Variants in MICAL2 observed in about 807,000 individuals in gnomAD.
MICAL2 encodes the protein microtubule associated monooxygenase, calponin and LIM domain containing 2, also known as [F-actin]-monooxygenase MICAL2.
MICAL2 carries 77 observed loss-of-function variants against 127.3 expected under a neutral mutation model. The observed-to-expected ratio is 0.60, with a 90% CI of 0.50 to 0.73. The LOEUF (loss-of-function observed/expected upper bound fraction) is 0.73. MICAL2 is among the 30% of genes least tolerant of loss of function. The pLI is 0.00. For missense variants in MICAL2, 1,351 were observed against 1,434.4 expected (o/e 0.94, Z 0.94); for synonymous variants, 570 against 551.1 (o/e 1.03, Z -0.48).
chr11:12,344,797 G>A (rs887007121), intron 32 of MICAL2, among the ~76,000 whole-genome samples: 14 of 146,828 alleles, frequency 9.5e-5, no homozygotes, highest in African/African-American at 1.5e-4. Flanking sequence ...CACCGCGCCC[G>A]GCCTAGAAAT....
intron 1 of MICAL2, among the ~76,000 whole-genome samples, chr11:12,135,190 A>T (rs908050168): frequency 6.6e-6 from 1 of 152,222 alleles, no homozygotes; most frequent in African/African-American, 2.4e-5. Context: ...GGAGTCTGTT[A>T]TCAGGAGAGA....
chr11:12,209,823 C>G (rs561277151), intron 6 of MICAL2, among the ~76,000 whole-genome samples: 1 of 152,226 alleles, frequency 6.6e-6, no homozygotes. Flanking sequence ...TCAGTTTTCT[C>G]AGCTGTAAGA....
At chr11:12,242,798 C>A in intron 20 of MICAL2, 26 bp downstream of exon 20, 2 of 1,532,402 alleles carry the variant, frequency 1.3e-6, no homozygotes, top group Non-Finnish European at 1.8e-6. Context: ...TCAGAGCCCC[C>A]AGGAACCTGA....
At chr11:12,226,101 T>A (rs758659928) in intron 13 of MICAL2, 70 bp from the exon 14 acceptor site, 21 of 1,491,602 alleles carry the variant, frequency 1.4e-5, no homozygotes, top group Non-Finnish European at 1.9e-5. Context: ...CCTTACCACC[T>A]GAAGGTGCTC....
downstream of MICAL2, among the ~76,000 whole-genome samples, chr11:12,267,435 C>G (rs536751866): frequency 2.6e-5 from 4 of 152,258 alleles, no homozygotes; most frequent in African/African-American, 9.6e-5. Flanking sequence ...CTTGACCTCA[C>G]ACGAAATCCA....
downstream of MICAL2, chr11:12,293,571 C>G: frequency 6.2e-7 from 1 of 1,609,430 alleles, no homozygotes; most frequent in Non-Finnish European, 8.5e-7. Context: ...ATGACAGCTT[C>G]TGAGCCCCTC....
intron 6 of MICAL2, among the ~76,000 whole-genome samples, chr11:12,212,091 C>T (rs746241122): frequency 1.3e-5 from 2 of 152,160 alleles, no homozygotes; most frequent in African/African-American, 4.8e-5. Context: ...GTTGGCCACT[C>T]CTGGATTCCC....
intron 2 of MICAL2, among the ~76,000 whole-genome samples, chr11:12,149,069 C>G (rs1481900097): frequency 1.3e-5 from 2 of 152,180 alleles, no homozygotes; most frequent in Non-Finnish European, 2.9e-5. Flanking sequence ...CTGTGACACT[C>G]TGCTGCCTTT....
chr11:12,308,524 A>G (rs143014102), intron 29 of MICAL2, among the ~76,000 whole-genome samples: 176 of 152,258 alleles, frequency 1.2e-3, no homozygotes, highest in African/African-American at 3.6e-3. Context: ...TTTTGTTGCC[A>G]TTGTAAATAA....
At chr11:12,223,913 C>T (rs1415051573) in intron 12 of MICAL2, among the ~76,000 whole-genome samples, 1 of 152,148 alleles carries the variant, frequency 6.6e-6, no homozygotes, top group Non-Finnish European at 1.5e-5. Context: ...CAGTGCTCAA[C>T]ACAGGGAGAT....
At position 12,236,637 on chromosome 11, in the gene MICAL2, G is replaced by A. The variant is rs532376779; in HGVS notation, c.2064+392G>A. Among the ~76,000 whole-genome samples, 10 of 152,320 alleles carry A rather than the reference G, an allele frequency of 6.6e-5. No homozygotes were observed. In the South Asian group the frequency reaches 1.7e-3, roughly 25 times the overall value. The stretch of plus-strand genomic sequence containing the variant: ...CCCACTTTTCTCCCAATCATCGTTT[G>A]TATCCATTTGTGTTTCCTTTGCTTT... On this transcript the variant is annotated intron_variant, in intron 16 of 27. Coordinates refer to ENST00000683283, the MANE Select transcript of MICAL2 (RefSeq NM_001282663.2).
At chr11:12,219,923 C>A (rs1301466600) in intron 8 of MICAL2, among the ~76,000 whole-genome samples, 2 of 152,182 alleles carry the variant, frequency 1.3e-5, no homozygotes, top group East Asian at 3.8e-4. Context: ...TCTACGCTTC[C>A]TTCTTTCTGA....
chr11:12,298,111 T>C (rs980718476), intron 29 of MICAL2, among the ~76,000 whole-genome samples: 1 of 152,018 alleles, frequency 6.6e-6, no homozygotes, highest in Non-Finnish European at 1.5e-5. Context: ...TATAAGTAAC[T>C]TGGCAAGAAC....
chr11:12,248,212 GTGGGTTTCTTGGCC>G (rs1861031918), intron 21 of MICAL2, among the ~76,000 whole-genome samples: 1 of 152,210 alleles, frequency 6.6e-6, no homozygotes, highest in Non-Finnish European at 1.5e-5. Flanking sequence ...GAGTGGTGCT[GTGGGTTTCTTGGCC>G]TGAATGGTCA....
At chr11:12,162,631 G>C (rs903418816) in intron 3 of MICAL2, among the ~76,000 whole-genome samples, 2 of 152,228 alleles carry the variant, frequency 1.3e-5, no homozygotes, top group African/African-American at 4.8e-5. Flanking sequence ...CCAAGGGAGG[G>C]AAGCCAGAGG....
chr11:12,249,229 A>G lies in MICAL2; in HGVS notation c.2830A>G (p.Arg944Gly), dbSNP rs1861202114. ...SGFHFHPSHL[R>G]TVHPQLTVGK... ...GTTCCATTTTCATCCCAGCCATTTG[A>G]GAACAGTGCATCCTCAGGTGAGTTA... is the stretch of plus-strand genomic sequence containing the variant. Residue 944 changes from arginine (R) to glycine (G), a missense_variant, in exon 22 of 28, where the codon AGA (arginine) becomes GGA (glycine). Physicochemically the swap from Arg to Gly is moderately radical, Grantham distance 125. This residue lies in a region of MICAL2 where 752 missense variants were observed against 719.4 expected (regional missense o/e 1.05). Transcript: ENST00000683283. 3 of 1,597,916 alleles carry G rather than the reference A, an allele frequency of 1.9e-6. No homozygotes were observed. The highest frequency in any genetic ancestry group is 2.6e-6 in the Non-Finnish European group (3 of 1,165,492).
intron 1 of MICAL2, among the ~76,000 whole-genome samples, chr11:12,117,357 C>A (rs1850125135): frequency 6.6e-6 from 1 of 152,238 alleles, no homozygotes; most frequent in Admixed American, 6.5e-5. Context: ...GGAAGCCCAG[C>A]ACATGCTGGA....
intron 3 of MICAL2, among the ~76,000 whole-genome samples, chr11:12,177,073 GA>G: frequency 6.6e-6 from 1 of 152,224 alleles, no homozygotes; most frequent in South Asian, 2.1e-4. Context: ...CTTTTTTGAG[GA>G]ACTGTCCTAT....
intron 32 of MICAL2, among the ~76,000 whole-genome samples, chr11:12,343,760 G>A (rs1938908787): frequency 6.6e-6 from 1 of 152,108 alleles, no homozygotes; most frequent in Non-Finnish European, 1.5e-5. Context: ...TGTGGCAGAT[G>A]GTATAATGTT....
Sources: allele counts gnomAD v4.1 joint callset (sites outside exome capture counted in the v4.1 genomes callset), GRCh38; gene constraint gnomAD v4.1.1; regional missense constraint gnomAD v4.1.1; transcripts MANE v1.5; gene names NCBI Gene and HGNC (gene_info 2026-07-23, HGNC 2026-07-21).